COLEC10: variants seen among roughly 807,000 people sequenced by gnomAD.
COLEC10 encodes collectin subfamily member 10.
In COLEC10, 22 loss-of-function variants were observed where a neutral mutation model predicts 28.4. The observed-to-expected ratio is 0.78, with a 90% CI of 0.55 to 1.11. The LOEUF (loss-of-function observed/expected upper bound fraction) is 1.11, where lower values mean the gene tolerates loss of function less well. Ranked by LOEUF, COLEC10 falls within the 50% of genes least tolerant of loss-of-function variation. The pLI is 0.00. For synonymous variants in COLEC10, 125 were observed against 116.1 expected, an observed-to-expected ratio of 1.08 and a Z score of -0.49; for missense variants, 361 against 344.1, an observed-to-expected ratio of 1.05 and a Z score of -0.39.
the COLEC10 span, among the ~76,000 whole-genome samples, chr8:118,974,162 CTT>C: frequency 6.6e-6 from 1 of 151,894 alleles, no homozygotes; most frequent in Non-Finnish European, 1.5e-5. Context: ...CCTCTTTACT[CTT>C]CTCTATTTTT....
chr8:118,967,777 C>T, the COLEC10 span, among the ~76,000 whole-genome samples: 9 of 152,084 alleles, frequency 5.9e-5, no homozygotes, highest in African/African-American at 2.2e-4. Flanking sequence ...TGTTTTAGGT[C>T]CTTGCTATTA....
At chr8:118,993,625 G>A (rs1017500442), upstream of COLEC10, among the ~76,000 whole-genome samples, 10 of 152,132 alleles carry the variant, frequency 6.6e-5, no homozygotes, top group African/African-American at 2.4e-4. Context: ...AAAGTGATGA[G>A]ATTACAGGCG....
intron 2 of COLEC10, among the ~76,000 whole-genome samples, chr8:119,045,015 C>T (rs1408917058): frequency 6.6e-6 from 1 of 152,132 alleles, no homozygotes; most frequent in Non-Finnish European, 1.5e-5. Context: ...ATTTTAGACT[C>T]CCATGTTCTT....
At chr8:119,027,346 T>A (rs987946193) in intron 2 of COLEC10, among the ~76,000 whole-genome samples, 5 of 152,208 alleles carry the variant, frequency 3.3e-5, no homozygotes, top group Admixed American at 6.5e-5. Context: ...TTATATATAT[T>A]TCATATTCAT....
intron 1 of COLEC10, among the ~76,000 whole-genome samples, chr8:119,088,192 G>T (rs978339015): frequency 8.0e-5 from 12 of 150,538 alleles, no homozygotes; most frequent in Admixed American, 4.0e-4. Flanking sequence ...GGAAAGGAAG[G>T]GAAGGAGGGA....
intron 3 of COLEC10, among the ~76,000 whole-genome samples, chr8:119,101,803 T>A (rs1024280979): frequency 6.6e-6 from 1 of 152,170 alleles, no homozygotes; most frequent in African/African-American, 2.4e-5. Context: ...GTTTTTTTGT[T>A]TTGTTTTGTT....
At chr8:119,089,649 C>T in intron 1 of COLEC10, 31 bp from the exon 2 acceptor site, 1 of 1,545,396 alleles carries the variant, frequency 6.5e-7, no homozygotes, top group Non-Finnish European at 8.9e-7. Flanking sequence ...GTTTGAGATG[C>T]TTCACTCTAT....
the COLEC10 span, among the ~76,000 whole-genome samples, chr8:118,965,494 C>T: frequency 4.6e-5 from 7 of 152,134 alleles, no homozygotes; most frequent in African/African-American, 1.4e-4. Context: ...TTCTCACCCC[C>T]GTCTCAACAA....
intron 2 of COLEC10, among the ~76,000 whole-genome samples, chr8:119,045,403 C>T (rs1814569715): frequency 6.6e-6 from 1 of 152,216 alleles, no homozygotes. Flanking sequence ...CCAACTGGTT[C>T]AGCCCACAGC....
chr8:118,956,744 T>C, the COLEC10 span, among the ~76,000 whole-genome samples: 1 of 152,182 alleles, frequency 6.6e-6, no homozygotes, highest in Non-Finnish European at 1.5e-5. Flanking sequence ...GGTTTTCTCC[T>C]CAAAAATTAT....
At chr8:119,047,742 A>C (rs1814609716) in intron 2 of COLEC10, among the ~76,000 whole-genome samples, 1 of 150,910 alleles carries the variant, frequency 6.6e-6, no homozygotes, top group African/African-American at 2.5e-5. Context: ...GCCCTCTCTT[A>C]TTAAAAAAAA....
At chr8:119,023,408 T>C (rs1481122676) in intron 2 of COLEC10, among the ~76,000 whole-genome samples, 3 of 152,130 alleles carry the variant, frequency 2.0e-5, no homozygotes, top group Non-Finnish European at 4.4e-5. Flanking sequence ...AGAGAAACTT[T>C]AGAGAGAAGC....
At position 119,096,494 on chromosome 8, in the gene COLEC10, G is replaced by A. The variant is rs191138649; in HGVS notation, c.292+5274G>A. 5.3e-5 allele frequency among the ~76,000 whole-genome samples: 8 copies of A among 150,596 alleles called. No individual in the cohort carries two copies. The South Asian group carries it at 8.3e-4, about 16-fold the overall frequency. On this transcript the variant is annotated intron_variant, in intron 3 of 5. Transcript: ENST00000332843. ...TAATCCCAGCTACTTGGGAGCCTGA[G>A]GTGGGAGAATCACTTGAACCAGGGA...
chr8:118,973,802 G>A, the COLEC10 span, among the ~76,000 whole-genome samples: 1,313 of 151,918 alleles, frequency 8.6e-3, 18 homozygotes, highest in African/African-American at 0.03. Context: ...AGCATGAGTC[G>A]GGTCATGCCA....
rs564999252 is a variant in COLEC10, at chr8:119,004,353, A to G, written n.123-5088A>G. ...TAGTGTCATAGACTTGTGTTACTTCACTTTCAATCTTCTCCTTTTTTCCTA... is the reference window on the plus strand; with the variant it reads ...TAGTGTCATAGACTTGTGTTACTTCGCTTTCAATCTTCTCCTTTTTTCCTA... On this transcript the variant is annotated intron_variant and non_coding_transcript_variant, in intron 1 of 6. Coordinates refer to the COLEC10 transcript ENST00000521788. Among the ~76,000 whole-genome samples the G allele has an allele frequency of 4.4e-4, 66 of 151,680 alleles. No individual in the cohort carries two copies. In the South Asian group the frequency reaches 0.012, roughly 28 times the overall value.
chr8:119,040,791 G>A (rs923529197), intron 2 of COLEC10, among the ~76,000 whole-genome samples: 1 of 152,188 alleles, frequency 6.6e-6, no homozygotes, highest in African/African-American at 2.4e-5. Context: ...CAGAGCTGTG[G>A]CCATTGACAG....
chr8:118,982,535 G>A, the COLEC10 span: 1 of 168,046 alleles, frequency 6.0e-6, no homozygotes, highest in Non-Finnish European at 1.3e-5. Flanking sequence ...AGCCCAAAAT[G>A]TTCCAAGTGC....
At chr8:118,956,781 T>C in the COLEC10 span, among the ~76,000 whole-genome samples, 1 of 152,202 alleles carries the variant, frequency 6.6e-6, no homozygotes, top group African/African-American at 2.4e-5. Flanking sequence ...TCTCTAATAT[T>C]CAGAAATGCT....
At chr8:119,100,275 T>C (rs1815798362) in intron 3 of COLEC10, among the ~76,000 whole-genome samples, 1 of 152,160 alleles carries the variant, frequency 6.6e-6, no homozygotes, top group Admixed American at 6.6e-5. Context: ...GAGCAAGTTA[T>C]TTTGCCTCTC....
Sources: gnomAD v4.1 joint callset for allele counts (sites outside exome capture counted in the v4.1 genomes callset) on GRCh38, gnomAD v4.1.1 for gene constraint, MANE v1.5 for transcripts, NCBI Gene and HGNC (gene_info 2026-07-23, HGNC 2026-07-21) for gene names.